The following B3GALT1 variants were observed in gnomAD, a reference collection of about 807,000 sequenced individuals.
B3GALT1 encodes beta-1,3-galactosyltransferase 1, also known as UDP-Gal:betaGlcNAc beta 1,3-galactosyltransferase, polypeptide 1.
Under a neutral mutation model 23.2 loss-of-function variants are expected in B3GALT1, and 10 were observed. The observed-to-expected ratio is 0.43, with a 90% CI of 0.27 to 0.73. B3GALT1 has a LOEUF of 0.73. B3GALT1 is among the 30% of genes least tolerant of loss of function. The probability of loss-of-function intolerance (pLI) is 0.21; values close to 1 mark genes in which losing one functional copy is unlikely to be tolerated. For missense variants in B3GALT1, 299 were observed against 405.4 expected, an observed-to-expected ratio of 0.74 and a Z score of 2.25; for synonymous variants, 156 against 141.5, an observed-to-expected ratio of 1.10 and a Z score of -0.73.
At chr2:167,863,168 CT>C (rs1158763030) in intron 4 of B3GALT1, among the ~76,000 whole-genome samples, 5 of 148,452 alleles carry the variant, frequency 3.4e-5, no homozygotes, top group South Asian at 2.1e-4. Flanking sequence ...GGTATTCTCT[CT>C]TTTTTTTTTC....
intron 1 of B3GALT1, among the ~76,000 whole-genome samples, chr2:167,437,451 A>G (rs1698807710): frequency 1.3e-5 from 2 of 152,196 alleles, no homozygotes; most frequent in South Asian, 2.1e-4. Flanking sequence ...AACTTCTGCA[A>G]TTTGGAGGGT....
At chr2:167,855,296 G>A (rs1689979710) in intron 4 of B3GALT1, among the ~76,000 whole-genome samples, 1 of 152,098 alleles carries the variant, frequency 6.6e-6, no homozygotes, top group African/African-American at 2.4e-5. Context: ...ATGGTGTATA[G>A]ACCTACATAT....
chr2:167,513,235 T>C (rs1700055096), intron 2 of B3GALT1, among the ~76,000 whole-genome samples: 1 of 151,952 alleles, frequency 6.6e-6, no homozygotes, highest in Non-Finnish European at 1.5e-5. Flanking sequence ...TATTCATATT[T>C]AGTGCTGAAA....
intron 4 of B3GALT1, among the ~76,000 whole-genome samples, chr2:167,865,816 A>AAAAT (rs987604981): frequency 3.9e-4 from 59 of 152,052 alleles, no homozygotes; most frequent in African/African-American, 1.1e-3. Context: ...AATAAAAAAT[A>AAAAT]AAATAAATAA....
At chr2:167,620,411 C>A (rs538975652) in intron 2 of B3GALT1, among the ~76,000 whole-genome samples, 1 of 152,096 alleles carries the variant, frequency 6.6e-6, no homozygotes, top group African/African-American at 2.4e-5. Context: ...TGTAGGCTGG[C>A]TTAAGGATTT....
At chr2:167,346,130 C>CTA (rs1697219433) in intron 1 of B3GALT1, among the ~76,000 whole-genome samples, 1 of 150,782 alleles carries the variant, frequency 6.6e-6, no homozygotes, top group African/African-American at 2.4e-5. Context: ...CACTTTTTTC[C>CTA]TAGCAGTTTC....
Position 167,630,145 on chromosome 2 carries a change from G to C in B3GALT1, c.-409-16764G>C, listed in dbSNP as rs564968053. 1.1e-4 allele frequency among the ~76,000 whole-genome samples: 17 copies of C among 151,736 alleles called. No individual in the cohort carries two copies. In the East Asian group the frequency reaches 2.9e-3, roughly 26 times the overall value. On this transcript the variant is annotated intron_variant, in intron 2 of 4. Coordinates refer to ENST00000392690, the MANE Select transcript of B3GALT1 (RefSeq NM_020981.4). ...TGTACTAGTATAATTAGCATCTCTG[G>C]GTTGTTGTAAGGATTAAATGAGATT...
At chr2:167,397,035 C>A (rs945092456) in intron 1 of B3GALT1, among the ~76,000 whole-genome samples, 1 of 152,086 alleles carries the variant, frequency 6.6e-6, no homozygotes, top group Non-Finnish European at 1.5e-5. Flanking sequence ...CAAGCAGAAT[C>A]TGCCAAGTCT....
In B3GALT1 at chr2:167,873,043, G is replaced by A. The variant is rs1331077823; in HGVS notation, c.*3023G>A. On this transcript the variant is annotated 3_prime_UTR_variant, in exon 5 of 5. Coordinates refer to ENST00000392690, the MANE Select transcript of B3GALT1 (RefSeq NM_020981.4). ...AACTTTCGACTTTTGTTAATTTTATGACATGACACTGGCCAAAATATTGTT... is the reference window on the plus strand; with the variant it reads ...AACTTTCGACTTTTGTTAATTTTATAACATGACACTGGCCAAAATATTGTT... 2.6e-5 allele frequency: 4 copies of A among 152,072 alleles called. No homozygotes were observed. Among genetic ancestry groups the A allele is most frequent in the Admixed American group, 6.5e-5 (1 of 15,278 alleles). 9.4% of individuals were successfully genotyped at this position (152,072 alleles called of 1,614,324 possible).
chr2:167,324,135 C>A (rs998862308), intron 1 of B3GALT1, among the ~76,000 whole-genome samples: 6 of 152,090 alleles, frequency 3.9e-5, no homozygotes, highest in African/African-American at 1.4e-4. Context: ...AATGCACTAG[C>A]ACTCTGCTTC....
At chr2:167,703,804 A>G (rs1316757422) in intron 3 of B3GALT1, among the ~76,000 whole-genome samples, 4 of 152,162 alleles carry the variant, frequency 2.6e-5, no homozygotes, top group African/African-American at 9.7e-5. Flanking sequence ...GCAATACAAA[A>G]TAAAATCTCC....
intron 1 of B3GALT1, among the ~76,000 whole-genome samples, chr2:167,422,258 C>A (rs1201916550): frequency 6.6e-6 from 1 of 151,780 alleles, no homozygotes; most frequent in Non-Finnish European, 1.5e-5. Flanking sequence ...CTGCCTCTGC[C>A]TCTCTCTGCT....
At chr2:167,659,755 T>C (rs1686022971) in intron 3 of B3GALT1, among the ~76,000 whole-genome samples, 2 of 152,046 alleles carry the variant, frequency 1.3e-5, no homozygotes, top group African/African-American at 4.8e-5. Flanking sequence ...AGGGAGACAC[T>C]AATGTAGCTG....
chr2:167,842,317 C>T (rs1305980814), intron 4 of B3GALT1, among the ~76,000 whole-genome samples: 2 of 152,194 alleles, frequency 1.3e-5, no homozygotes, highest in Non-Finnish European at 2.9e-5. Flanking sequence ...CCTTTTGACT[C>T]CAGCAATTCT....
chr2:167,476,566 G>A (rs1699489584), intron 1 of B3GALT1, among the ~76,000 whole-genome samples: 1 of 151,990 alleles, frequency 6.6e-6, no homozygotes, highest in Non-Finnish European at 1.5e-5. Flanking sequence ...GGGATACTGT[G>A]GACAGTTTTG....
In B3GALT1 at chr2:167,420,367, A is replaced by T. The variant is rs190650621; in HGVS notation, c.-510-69810A>T. 3.9e-5 allele frequency among the ~76,000 whole-genome samples: 6 copies of T among 152,356 alleles called. No homozygotes were observed. In the East Asian group the frequency reaches 1.2e-3, roughly 29 times the overall value. On this transcript the variant is annotated intron_variant, in intron 1 of 4. Coordinates refer to ENST00000392690, the MANE Select transcript of B3GALT1 (RefSeq NM_020981.4). ...GCAAACTAACAAACGTAACTACAAGAAAAGAAGAACAACTGTAAATTTATT... is the reference window on the plus strand; with the variant it reads ...GCAAACTAACAAACGTAACTACAAGTAAAGAAGAACAACTGTAAATTTATT...
At chr2:167,352,958 T>C (rs1474372493) in intron 1 of B3GALT1, among the ~76,000 whole-genome samples, 1 of 152,208 alleles carries the variant, frequency 6.6e-6, no homozygotes, top group Non-Finnish European at 1.5e-5. Context: ...CCCAGTGTGA[T>C]TTGAGGTGCC....
At chr2:167,347,570 T>C (rs1055134479) in intron 1 of B3GALT1, among the ~76,000 whole-genome samples, 10 of 152,202 alleles carry the variant, frequency 6.6e-5, no homozygotes, top group African/African-American at 1.9e-4. Flanking sequence ...AATTAAGTTA[T>C]ATGTGGACTG....
At chr2:167,562,089 G>A (rs958338343) in intron 2 of B3GALT1, among the ~76,000 whole-genome samples, 53 of 152,096 alleles carry the variant, frequency 3.5e-4, no homozygotes, top group Admixed American at 2.0e-3. Flanking sequence ...CCAGCAGCAC[G>A]TCAAAAAGCT....
Sources: gnomAD v4.1 joint callset for allele counts (sites outside exome capture counted in the v4.1 genomes callset) on GRCh38, gnomAD v4.1.1 for gene constraint, MANE v1.5 for transcripts, NCBI Gene and HGNC (gene_info 2026-07-23, HGNC 2026-07-21) for gene names.